CTNNA2: variants seen among roughly 807,000 people sequenced by gnomAD.
CTNNA2 encodes the protein catenin alpha-2.
CTNNA2 carries 42 observed loss-of-function variants against 101.0 expected under a neutral mutation model. The ratio of observed to expected loss-of-function variants is 0.42; its 90% CI spans 0.32 to 0.54. The LOEUF (loss-of-function observed/expected upper bound fraction) is 0.54, where lower values mean the gene tolerates loss of function less well. Ranked by LOEUF, CTNNA2 falls within the 20% of genes least tolerant of loss-of-function variation. The pLI is 0.14. For missense variants in CTNNA2, 871 were observed against 1,223.1 expected, an observed-to-expected ratio of 0.71 and a Z score of 4.29; for synonymous variants, 450 against 456.4, an observed-to-expected ratio of 0.99 and a Z score of 0.18.
intron 7 of CTNNA2, among the ~76,000 whole-genome samples, chr2:80,168,152 T>A (rs1223867274): frequency 6.6e-6 from 1 of 152,096 alleles, no homozygotes; most frequent in African/African-American, 2.4e-5. Flanking sequence ...CTGGGTGCAG[T>A]ACCAGAGGAA....
intron 2 of CTNNA2, among the ~76,000 whole-genome samples, chr2:79,699,836 T>TGA (rs1684886076): frequency 6.8e-6 from 1 of 147,096 alleles, no homozygotes; most frequent in South Asian, 2.1e-4. Flanking sequence ...CACACACGTG[T>TGA]GTGTATATAT....
chr2:79,921,059 T>A (rs1686618813), intron 7 of CTNNA2, among the ~76,000 whole-genome samples: 1 of 152,194 alleles, frequency 6.6e-6, no homozygotes, highest in Non-Finnish European at 1.5e-5. Flanking sequence ...CATATGTACC[T>A]GAAGAGATAC....
At chr2:79,710,536 C>G (rs12615082) in intron 2 of CTNNA2, among the ~76,000 whole-genome samples, 1 of 151,886 alleles carries the variant, frequency 6.6e-6, no homozygotes, top group Non-Finnish European at 1.5e-5. Flanking sequence ...GAGAGTGTTT[C>G]GAGTGGTGGG....
intron 2 of CTNNA2, among the ~76,000 whole-genome samples, chr2:79,212,116 G>T (rs1256506762): frequency 6.6e-6 from 1 of 152,200 alleles, no homozygotes; most frequent in East Asian, 1.9e-4. Context: ...GCATAGCCCT[G>T]CCAGCAAAGA....
At chr2:79,967,226 AAT>A (rs536392449) in intron 7 of CTNNA2, among the ~76,000 whole-genome samples, 142 of 152,008 alleles carry the variant, frequency 9.3e-4, no homozygotes, top group Non-Finnish European at 1.8e-3. Context: ...TTGTTTTTTG[AAT>A]CAAGACTGCT....
At chr2:79,645,270 A>G (rs1388038642) in intron 1 of CTNNA2, among the ~76,000 whole-genome samples, 1 of 152,124 alleles carries the variant, frequency 6.6e-6, no homozygotes. Context: ...TATAGACGAG[A>G]GCAATCGCAC....
intron 7 of CTNNA2, among the ~76,000 whole-genome samples, chr2:79,948,237 T>G (rs1302526643): frequency 6.6e-6 from 1 of 152,248 alleles, no homozygotes; most frequent in African/African-American, 2.4e-5. Context: ...CAGAGCTGCA[T>G]ACAAAGGATG....
chr2:79,965,941 A>G lies in CTNNA2; in HGVS notation c.1056+56144A>G, dbSNP rs529842413. Among the ~76,000 whole-genome samples, 318 of 152,164 alleles carry G rather than the reference A, an allele frequency of 2.1e-3. 1 individual carries two copies. The highest frequency in any genetic ancestry group is 7.4e-3 in the African/African-American group (306 of 41,536). ...ATAATCAAGATATTGGTATCTTGAA[A>G]CATCTAAAAATAAAATAATTACTGG... On this transcript the variant is annotated intron_variant, in intron 7 of 18. Transcript: ENST00000402739.
chr2:80,299,533 CT>C (rs1676056908), intron 7 of CTNNA2: 1 of 152,188 alleles, frequency 6.6e-6, no homozygotes, highest in Admixed American at 6.5e-5. Flanking sequence ...TCATCATTTG[CT>C]CTTAAGCTCC....
chr2:79,311,963 G>A (rs1676384931), intron 2 of CTNNA2, among the ~76,000 whole-genome samples: 1 of 151,962 alleles, frequency 6.6e-6, no homozygotes, highest in Middle Eastern at 3.2e-3. Context: ...AGTACAGTGG[G>A]ACAATCATGG....
rs185587161 is a variant in CTNNA2, at chr2:79,216,185, G to A, written c.-406+18109G>A. On this transcript the variant is annotated intron_variant, in intron 2 of 21. Coordinates refer to the CTNNA2 transcript ENST00000466387. The stretch of plus-strand genomic sequence containing the variant: ...TGTCAAGTTTGTATTGGGGTCAAGC[G>A]GCATTGTAGAAGAAAATAAGGCATT... 2.8e-3 allele frequency among the ~76,000 whole-genome samples: 419 copies of A among 152,210 alleles called. 4 individuals carry two copies. The highest frequency in any genetic ancestry group is 0.025 in the South Asian group (119 of 4,814).
intron 8 of CTNNA2, among the ~76,000 whole-genome samples, chr2:80,396,909 A>G (rs546915272): frequency 1.3e-5 from 2 of 152,334 alleles, no homozygotes; most frequent in African/African-American, 4.8e-5. Flanking sequence ...TCTCAATTCT[A>G]TTATTACAAT....
chr2:79,285,464 C>T lies in CTNNA2; in HGVS notation c.-405-27245C>T, dbSNP rs1030539229. Among the ~76,000 whole-genome samples the T allele has an allele frequency of 2.1e-4, 31 of 146,676 alleles. 1 individual carries two copies. The highest frequency in any genetic ancestry group is 7.4e-4 in the African/African-American group (29 of 39,308). On this transcript the variant is annotated intron_variant, in intron 2 of 21. Transcript: ENST00000466387. ...TTCTGGTATGTTGTGTCTTTGTTCACGTTGGTTTCAAAGAACATCTTTATT... is the reference window on the plus strand; with the variant it reads ...TTCTGGTATGTTGTGTCTTTGTTCATGTTGGTTTCAAAGAACATCTTTATT...
intron 1 of CTNNA2, chr2:79,575,490 A>G (rs909083584): frequency 6.6e-6 from 1 of 152,058 alleles, no homozygotes; most frequent in Non-Finnish European, 1.5e-5. Flanking sequence ...TCGTTGCTAT[A>G]GAGAGTGGGG....
At chr2:79,241,930 G>C (rs28454394) in intron 2 of CTNNA2, among the ~76,000 whole-genome samples, 2,228 of 149,824 alleles carry the variant, frequency 0.015, 48 homozygotes, top group African/African-American at 0.052. Flanking sequence ...TTTTGAGACA[G>C]AGTCTTGCTC....
At chr2:80,145,475 C>A (rs1377464110) in intron 7 of CTNNA2, among the ~76,000 whole-genome samples, 1 of 152,320 alleles carries the variant, frequency 6.6e-6, no homozygotes. Flanking sequence ...ATTTGCAGTA[C>A]CATGCTGCCT....
chr2:80,157,299 G>A lies in CTNNA2; in HGVS notation c.1057-235912G>A, dbSNP rs146615678. ...TGTCATTTATATTGAACAGGAAAGC[G>A]GGGGCGTGGTTGGTGTGAGAAAGGG... On this transcript the variant is annotated intron_variant, in intron 7 of 18. Transcript: ENST00000402739. Among the ~76,000 whole-genome samples, 116 of 152,252 alleles carry A rather than the reference G, an allele frequency of 7.6e-4. No individual in the cohort carries two copies. In the East Asian group the frequency reaches 0.021, roughly 27 times the overall value.
At chr2:79,878,715 T>C (rs1683203796) in intron 6 of CTNNA2, among the ~76,000 whole-genome samples, 1 of 152,234 alleles carries the variant, frequency 6.6e-6, no homozygotes, top group Non-Finnish European at 1.5e-5. Flanking sequence ...TTGTAAATTC[T>C]GAATATTAGA....
chr2:80,621,115 C>T (rs553166845), intron 18 of CTNNA2, among the ~76,000 whole-genome samples: 10 of 151,808 alleles, frequency 6.6e-5, no homozygotes, highest in South Asian at 2.1e-4. Flanking sequence ...TCTATCTCTG[C>T]GCTTGACTTG....
Sources: allele counts gnomAD v4.1 joint callset (sites outside exome capture counted in the v4.1 genomes callset), GRCh38; gene constraint gnomAD v4.1.1; transcripts MANE v1.5; gene names NCBI Gene and HGNC (gene_info 2026-07-23, HGNC 2026-07-21).